SEMA3E: variants seen among roughly 807,000 people sequenced by gnomAD.
SEMA3E encodes semaphorin-3E.
In SEMA3E, 49 loss-of-function variants were observed where a neutral mutation model predicts 93.6. The ratio of observed to expected loss-of-function variants is 0.52; its 90% confidence interval spans 0.42 to 0.66. The LOEUF is 0.66. SEMA3E is among the 30% of genes least tolerant of loss of function. The pLI is 0.00. For missense variants in SEMA3E, 906 were observed against 964.8 expected (o/e 0.94, Z 0.81); for synonymous variants, 363 against 330.7 (o/e 1.10, Z -1.06).
intron 4 of SEMA3E, among the ~76,000 whole-genome samples, chr7:83,447,853 C>T (rs991259105): frequency 2.6e-5 from 4 of 152,108 alleles, no homozygotes; most frequent in Non-Finnish European, 4.4e-5. Context: ...GTTTGAGGCT[C>T]ATATATTGTT....
At chr7:83,581,338 A>G (rs893025674) in intron 1 of SEMA3E, among the ~76,000 whole-genome samples, 1 of 151,974 alleles carries the variant, frequency 6.6e-6, no homozygotes, top group African/African-American at 2.4e-5. Context: ...CCATAGTAAT[A>G]TTTACAGCCA....
chr7:83,559,646 T>C (rs111854193), intron 1 of SEMA3E, among the ~76,000 whole-genome samples: 1 of 152,192 alleles, frequency 6.6e-6, no homozygotes, highest in African/African-American at 2.4e-5. Context: ...ACAGCCACTT[T>C]GGATGACAAT....
At chr7:83,489,387 G>A (rs1231013056) in intron 2 of SEMA3E, among the ~76,000 whole-genome samples, 1 of 145,516 alleles carries the variant, frequency 6.9e-6, no homozygotes, top group African/African-American at 2.6e-5. Flanking sequence ...AAGGAATGAT[G>A]CTTTGTCATA....
At chr7:83,430,163 A>G (rs1788851850) in intron 4 of SEMA3E, among the ~76,000 whole-genome samples, 1 of 152,104 alleles carries the variant, frequency 6.6e-6, no homozygotes, top group African/African-American at 2.4e-5. Context: ...TTGTCAATTT[A>G]ACATAGAAAA....
At position 83,373,516 on chromosome 7, in the gene SEMA3E, A is replaced by G. The variant is rs193092529; in HGVS notation, c.1876-5478T>C. On this transcript the variant is annotated intron_variant, in intron 16 of 16. Transcript: ENST00000643230. Reference sequence around the variant, plus strand: ...ACACTTTCCAACATAAACCTGATATATGATACTGATGGTTACCTAGTAGAC... The same window carrying G: ...ACACTTTCCAACATAAACCTGATATGTGATACTGATGGTTACCTAGTAGAC... Among the ~76,000 whole-genome samples, 5 of 152,262 alleles carry G rather than the reference A, an allele frequency of 3.3e-5. No individual in the cohort carries two copies. In the East Asian group the frequency reaches 9.6e-4, roughly 29 times the overall value.
At chr7:83,509,094 T>C (rs1470404191) in intron 1 of SEMA3E, among the ~76,000 whole-genome samples, 1 of 152,198 alleles carries the variant, frequency 6.6e-6, no homozygotes, top group Non-Finnish European at 1.5e-5. Context: ...ACAACTTTTA[T>C]ATTTTTGACT....
At chr7:83,436,494 C>T (rs540770046) in intron 4 of SEMA3E, among the ~76,000 whole-genome samples, 1 of 151,590 alleles carries the variant, frequency 6.6e-6, no homozygotes, top group Non-Finnish European at 1.5e-5. Flanking sequence ...CATATATATA[C>T]ACACATATAC....
intron 1 of SEMA3E, among the ~76,000 whole-genome samples, chr7:83,610,669 C>G (rs1793233398): frequency 6.6e-6 from 1 of 151,912 alleles, no homozygotes; most frequent in South Asian, 2.1e-4. Flanking sequence ...CAGAATGTGA[C>G]TATATTTGGA....
chr7:83,564,165 A>G lies in SEMA3E; in HGVS notation c.116-73891T>C, dbSNP rs188008937. On this transcript the variant is annotated intron_variant, in intron 1 of 16. Transcript: ENST00000643230. ...TATTTTACATAGTCTTTAGAAATATATTTTGCAAATAAAATCATTTTTTAA... is the reference window on the plus strand; with the variant it reads ...TATTTTACATAGTCTTTAGAAATATGTTTTGCAAATAAAATCATTTTTTAA... Among the ~76,000 whole-genome samples, 409 of 152,306 alleles carry G rather than the reference A, an allele frequency of 2.7e-3. 2 individuals are homozygous for G. Among genetic ancestry groups the G allele is most frequent in the Non-Finnish European group, 5.3e-4 (36 of 68,024 alleles).
intron 1 of SEMA3E, among the ~76,000 whole-genome samples, chr7:83,552,221 G>C (rs747738100): frequency 6.6e-6 from 1 of 152,126 alleles, no homozygotes; most frequent in South Asian, 2.1e-4. Context: ...CTGGAGCCAC[G>C]GCAGAGGAAC....
chr7:83,533,581 TAAAATAAAATAAAATAAATG>T (rs1466489081), intron 1 of SEMA3E, among the ~76,000 whole-genome samples: 696 of 50,770 alleles, frequency 0.014, 9 homozygotes, highest in Middle Eastern at 0.03. Context: ...TAAAATAAAA[TAAAATAAAATAAAATAAATG>T]AAACAAGCAA....
chr7:83,611,325 T>C (rs976935118), intron 1 of SEMA3E, among the ~76,000 whole-genome samples: 1 of 144,324 alleles, frequency 6.9e-6, no homozygotes, highest in African/African-American at 2.5e-5. Flanking sequence ...ATGTATAATA[T>C]ATAAATTTAT....
chr7:83,533,296 C>T (rs911816582), intron 1 of SEMA3E, among the ~76,000 whole-genome samples: 5 of 152,122 alleles, frequency 3.3e-5, no homozygotes, highest in East Asian at 1.9e-4. Context: ...AATCCCAACA[C>T]TTTGGGAGGC....
chr7:83,491,106 T>G (rs1250733060), intron 1 of SEMA3E, among the ~76,000 whole-genome samples: 1 of 151,988 alleles, frequency 6.6e-6, no homozygotes, highest in East Asian at 1.9e-4. Context: ...TAACTTTTTT[T>G]ACAAAGATCA....
In SEMA3E at chr7:83,402,732, C is replaced by T. The variant is rs1293541067; in HGVS notation, c.1043G>A (p.Ser348Asn). The part of the protein sequence containing the change: ...GHAICVYHMS[S>N]IRAAFNGPYA... ...TGGTCCGTTGAAGGCTGCCCGAATG[C>T]TAGACATGTGATAGACACATATAGC... Residue 348 changes from serine (S) to asparagine (N), a missense_variant, in exon 10 of 17, where the codon AGC becomes AAC. Coordinates refer to ENST00000643230, the MANE Select transcript of SEMA3E (RefSeq NM_012431.3). 5.6e-6 allele frequency: 9 copies of T among 1,612,784 alleles called. No homozygotes were observed. The African/African-American group carries it at 8.0e-5, about 14-fold the overall frequency.
chr7:83,394,226 A>ATATC (rs1788073591), intron 13 of SEMA3E, 71 bp downstream of exon 13: 1 of 1,500,452 alleles, frequency 6.7e-7, no homozygotes, highest in African/African-American at 1.4e-5. Flanking sequence ...TAATGTTCTC[A>ATATC]TATCCTTTGA....
intron 4 of SEMA3E, among the ~76,000 whole-genome samples, chr7:83,449,435 T>C (rs6977796): frequency 0.026 from 3,964 of 152,014 alleles, 197 homozygotes; most frequent in African/African-American, 0.09. Context: ...TATTTTATGC[T>C]TAAAATATTT....
At chr7:83,507,835 T>A (rs1364200081) in intron 1 of SEMA3E, among the ~76,000 whole-genome samples, 3 of 151,878 alleles carry the variant, frequency 2.0e-5, no homozygotes, top group Non-Finnish European at 4.4e-5. Context: ...CCTGTGGTCC[T>A]GGCTACTTGG....
chr7:83,547,862 A>G (rs1170813053), intron 1 of SEMA3E, among the ~76,000 whole-genome samples: 4 of 152,088 alleles, frequency 2.6e-5, no homozygotes, highest in Non-Finnish European at 4.4e-5. Context: ...CAGACATATG[A>G]AAAAGTTCAC....
Sources: allele counts gnomAD v4.1 joint callset (sites outside exome capture counted in the v4.1 genomes callset), GRCh38; gene constraint gnomAD v4.1.1; transcripts MANE v1.5; gene names NCBI Gene and HGNC (gene_info 2026-07-23, HGNC 2026-07-21).